The following DLC1 variants were observed in gnomAD, a reference collection of about 807,000 sequenced individuals.
DLC1 encodes the protein DLC1 Rho GTPase activating protein.
DLC1 carries 54 observed loss-of-function variants against 140.3 expected under a neutral mutation model. The observed-to-expected ratio is 0.38, with a 90% CI of 0.31 to 0.48. The LOEUF (loss-of-function observed/expected upper bound fraction) is 0.48, where lower values mean the gene tolerates loss of function less well. Ranked by LOEUF, DLC1 falls within the 20% of genes least tolerant of loss-of-function variation. The pLI, the probability that DLC1 is intolerant of heterozygous loss-of-function variation, is 0.96. For missense variants in DLC1, 2,536 were observed against 1,907.0 expected (o/e 1.33, Z -6.14); for synonymous variants, 986 against 728.1 (o/e 1.35, Z -5.70).
At position 13,089,929 on chromosome 8, in the gene DLC1, G is replaced by A. The variant is rs137970754; in HGVS notation, c.4074+323C>T. Among the ~76,000 whole-genome samples, 361 of 152,292 alleles carry A rather than the reference G, an allele frequency of 2.4e-3. 2 individuals carry two copies. The highest frequency in any genetic ancestry group is 7.8e-3 in the African/African-American group (326 of 41,542). On this transcript the variant is annotated intron_variant, in intron 15 of 17. Transcript: ENST00000276297. The stretch of plus-strand genomic sequence containing the variant: ...ATTCTGACCAAATTATGGAAAAATC[G>A]AAGCGTGTCATAGGATGTTCCGCAT...
Position 13,084,027 on chromosome 8 carries a change from T to C in DLC1, c.*1784A>G, listed in dbSNP as rs1817355508. ...TTATTTATTTTCTTCACTTAGACTG[T>C]ATTCACGTAAAGTGTATTTACAATA... On this transcript the variant is annotated 3_prime_UTR_variant, in exon 18 of 18. Coordinates refer to ENST00000276297, the MANE Select transcript of DLC1 (RefSeq NM_182643.3). 1 of 152,518 alleles carries C rather than the reference T, an allele frequency of 6.6e-6. No individual in the cohort carries two copies. Among genetic ancestry groups the C allele is most frequent in the Non-Finnish European group, 1.5e-5 (1 of 68,034 alleles). The allele number at this position is 152,518 out of a possible 1,614,324, so 9.4% of individuals were successfully genotyped here. A position where few individuals can be genotyped will look rare whatever the true frequency, so the allele number is the denominator to read the frequency against.
chr8:13,333,634 A>G (rs1389323214), intron 4 of DLC1, among the ~76,000 whole-genome samples: 1 of 152,192 alleles, frequency 6.6e-6, no homozygotes, highest in Admixed American at 6.5e-5. Flanking sequence ...TTGTAACAGA[A>G]CTACCCTTCA....
At chr8:13,384,866 A>G (rs1836443906) in intron 4 of DLC1, among the ~76,000 whole-genome samples, 1 of 152,250 alleles carries the variant, frequency 6.6e-6, no homozygotes, top group Non-Finnish European at 1.5e-5. Context: ...TACTGGGGGC[A>G]ACTTCGTGGG....
chr8:13,157,535 T>G (rs1177674132), intron 5 of DLC1, among the ~76,000 whole-genome samples: 1 of 152,202 alleles, frequency 6.6e-6, no homozygotes, highest in Non-Finnish European at 1.5e-5. Context: ...ACCACACACC[T>G]ACTTTTTATT....
At chr8:13,527,349 C>T (rs961476918) in intron 1 of DLC1, among the ~76,000 whole-genome samples, 1 of 152,110 alleles carries the variant, frequency 6.6e-6, no homozygotes, top group Admixed American at 6.6e-5. Flanking sequence ...TTTTAGTCAG[C>T]ATGAAGCTTT....
chr8:13,310,876 T>C (rs1273777470), intron 4 of DLC1, among the ~76,000 whole-genome samples: 1 of 152,202 alleles, frequency 6.6e-6, no homozygotes, highest in African/African-American at 2.4e-5. Context: ...TTCATTTGTG[T>C]TTCCCAATCT....
At chr8:13,516,885 C>T (rs1208900956), upstream of DLC1, among the ~76,000 whole-genome samples, 5 of 152,090 alleles carry the variant, frequency 3.3e-5, no homozygotes, top group African/African-American at 9.7e-5. Context: ...ATACAAAGTG[C>T]CCAGGTCCAC....
chr8:13,522,703 G>A (rs376340452), intron 1 of DLC1, among the ~76,000 whole-genome samples: 1 of 151,868 alleles, frequency 6.6e-6, no homozygotes, highest in East Asian at 1.9e-4. Context: ...TGTAGTATAT[G>A]GACAATTGCT....
rs544860831 is a variant in DLC1, at chr8:13,374,143, A to T, written c.1314+19410T>A. 2.6e-5 allele frequency among the ~76,000 whole-genome samples: 4 copies of T among 152,302 alleles called. No homozygotes were observed. In the South Asian group the frequency reaches 8.3e-4, roughly 32 times the overall value. On this transcript the variant is annotated intron_variant, in intron 4 of 17. Coordinates refer to ENST00000276297, the MANE Select transcript of DLC1 (RefSeq NM_182643.3). Reference sequence around the variant, plus strand: ...TATTTAATGTATAATTTTTGATTAAACTGAGCCTCTTGAAATAGGTCTCAG... The same window carrying T: ...TATTTAATGTATAATTTTTGATTAATCTGAGCCTCTTGAAATAGGTCTCAG...
intron 1 of DLC1, among the ~76,000 whole-genome samples, chr8:13,571,549 A>T (rs1263932706): frequency 1.3e-5 from 2 of 152,216 alleles, no homozygotes; most frequent in African/African-American, 4.8e-5. Flanking sequence ...GCTGAGTAAT[A>T]TTCCATTGTA....
chr8:13,532,225 A>G (rs910542605), intron 1 of DLC1, among the ~76,000 whole-genome samples: 3 of 152,154 alleles, frequency 2.0e-5, no homozygotes, highest in Non-Finnish European at 4.4e-5. Context: ...AGCTGTGACC[A>G]TACCACTGCA....
At position 13,487,091 on chromosome 8, in the gene DLC1, G is replaced by T. The variant is rs80270362; in HGVS notation, c.1023+11958C>A. Among the ~76,000 whole-genome samples the T allele has an allele frequency of 2.0e-3, 309 of 152,242 alleles. 1 individual carries two copies. The highest frequency in any genetic ancestry group is 6.8e-3 in the African/African-American group (284 of 41,560). ...AGTCCTTTGGAAATGTGGAATCAGA[G>T]CACAATTAGTCGACTTACTAATGTA... On this transcript the variant is annotated intron_variant, in intron 2 of 17. Transcript: ENST00000276297.
At chr8:13,290,417 T>C (rs1831712626) in intron 5 of DLC1, among the ~76,000 whole-genome samples, 1 of 152,206 alleles carries the variant, frequency 6.6e-6, no homozygotes, top group South Asian at 2.1e-4. Flanking sequence ...TAGAAAATTA[T>C]GGGGCACACT....
chr8:13,103,310 CAAAATAAA>C (rs1410810311), intron 7 of DLC1, among the ~76,000 whole-genome samples: 2 of 110,314 alleles, frequency 1.8e-5, no homozygotes, highest in African/African-American at 6.0e-5. Context: ...GACTCCTTCT[CAAAATAAA>C]TAAATAAATA....
At chr8:13,183,264 G>A (rs913734747) in intron 5 of DLC1, among the ~76,000 whole-genome samples, 8 of 152,188 alleles carry the variant, frequency 5.3e-5, no homozygotes, top group Non-Finnish European at 7.3e-5. Flanking sequence ...TCTGCAAACA[G>A]GGACAATTTG....
chr8:13,186,418 C>T (rs980353186), intron 5 of DLC1, among the ~76,000 whole-genome samples: 2 of 151,954 alleles, frequency 1.3e-5, no homozygotes, highest in African/African-American at 4.8e-5. Flanking sequence ...TCACTGATAC[C>T]CTTTCTTCCA....
chr8:13,291,484 G>A (rs1484446053), intron 5 of DLC1, among the ~76,000 whole-genome samples: 2 of 152,096 alleles, frequency 1.3e-5, no homozygotes, highest in African/African-American at 4.8e-5. Context: ...GGAAGAGAAA[G>A]ACCAATATCA....
chr8:13,413,835 C>T lies in DLC1; in HGVS notation c.1024-12216G>A, dbSNP rs115717773. 3.3e-3 allele frequency among the ~76,000 whole-genome samples: 507 copies of T among 152,184 alleles called. 3 individuals carry two copies. The highest frequency in any genetic ancestry group is 0.012 in the African/African-American group (497 of 41,516). On this transcript the variant is annotated intron_variant, in intron 2 of 17. Transcript: ENST00000276297. ...ATGCGGAACTCTGAGTCAGTTAAAG[C>T]CCCTTTCTTTATAAATTACGCAGTC...
intron 2 of DLC1, among the ~76,000 whole-genome samples, chr8:13,488,153 T>G (rs4831235): frequency 0.89 from 136,135 of 152,176 alleles, 61,384 homozygotes; most frequent in Non-Finnish European, 0.94. Flanking sequence ...GTTATAACTG[T>G]TCAAAACTAT....
Sources: gnomAD v4.1 joint callset for allele counts (sites outside exome capture counted in the v4.1 genomes callset) on GRCh38, gnomAD v4.1.1 for gene constraint, MANE v1.5 for transcripts, NCBI Gene and HGNC (gene_info 2026-07-23, HGNC 2026-07-21) for gene names.